ADK: variants seen among roughly 807,000 people sequenced by gnomAD.
ADK encodes the protein adenosine kinase.
A neutral mutation model predicts 44.7 loss-of-function variants in ADK; 24 were observed. The observed-to-expected ratio is 0.54, with a 90% confidence interval of 0.39 to 0.76. The LOEUF is 0.76. ADK is among the 30% of genes least tolerant of loss of function. The pLI is 0.00. For synonymous variants in ADK, 128 were observed against 142.6 expected, an observed-to-expected ratio of 0.90 and a Z score of 0.73; for missense variants, 321 against 425.1, an observed-to-expected ratio of 0.76 and a Z score of 2.15.
chr10:74,151,247 C>CT lies in ADK; in HGVS notation c.-31dup. 1 of 1,549,294 alleles carries CT rather than the reference C, an allele frequency of 6.5e-7. No individual in the cohort carries two copies. The highest frequency in any genetic ancestry group is 8.7e-7 in the Non-Finnish European group (1 of 1,146,604). ...CCAGAGAGTGGATGGCAGAGGTGGGCTGTAGAGCCAAAGTGGGGTGGGAGC... is the reference window on the plus strand; with the variant it reads ...CCAGAGAGTGGATGGCAGAGGTGGGCTTGTAGAGCCAAAGTGGGGTGGGAGC... On this transcript the variant is annotated 5_prime_UTR_variant, in exon 1 of 11. An upstream open reading frame in the 5' UTR gains an earlier in-frame stop. Coordinates refer to ENST00000539909, the MANE Select transcript of ADK (RefSeq NM_006721.4).
chr10:74,607,996 A>T (rs1852393420), intron 9 of ADK, among the ~76,000 whole-genome samples: 1 of 150,946 alleles, frequency 6.6e-6, no homozygotes, highest in Non-Finnish European at 1.5e-5. Context: ...TCAATCTCTG[A>T]TATCCTTTCT....
chr10:74,422,948 G>A (rs1844616162), intron 6 of ADK, among the ~76,000 whole-genome samples: 2 of 152,140 alleles, frequency 1.3e-5, no homozygotes, highest in South Asian at 2.1e-4. Flanking sequence ...CCTGATGACA[G>A]CCAGCTGAAG....
chr10:74,522,113 A>G (rs1285894607), intron 6 of ADK, among the ~76,000 whole-genome samples: 1 of 152,198 alleles, frequency 6.6e-6, no homozygotes, highest in Non-Finnish European at 1.5e-5. Flanking sequence ...GAAAAGCATA[A>G]TTTATTTAAC....
At chr10:74,368,509 TC>T (rs1842563488) in intron 4 of ADK, among the ~76,000 whole-genome samples, 2 of 152,296 alleles carry the variant, frequency 1.3e-5, no homozygotes, top group African/African-American at 4.8e-5. Context: ...ATTTACCTCT[TC>T]ATGGTATCAC....
intron 4 of ADK, among the ~76,000 whole-genome samples, chr10:74,354,241 T>C (rs1842062153): frequency 6.6e-6 from 1 of 152,180 alleles, no homozygotes; most frequent in African/African-American, 2.4e-5. Context: ...TTTTATCTTA[T>C]TTTCAGTATA....
chr10:74,268,685 A>G (rs1244886538), intron 3 of ADK, among the ~76,000 whole-genome samples: 1 of 152,204 alleles, frequency 6.6e-6, no homozygotes, highest in Non-Finnish European at 1.5e-5. Context: ...TGTAAGTATC[A>G]CAGATGTTGT....
chr10:74,494,396 A>C (rs1478298106), intron 6 of ADK, among the ~76,000 whole-genome samples: 1 of 152,156 alleles, frequency 6.6e-6, no homozygotes, highest in African/African-American at 2.4e-5. Context: ...AGCATAAATA[A>C]TATTATACAG....
chr10:74,176,858 C>A, intron 1 of ADK: 2 of 1,608,504 alleles, frequency 1.2e-6, no homozygotes, highest in Non-Finnish European at 1.7e-6. Flanking sequence ...TGGCGCTGGG[C>A]AGGAGGGCGA....
intron 6 of ADK, among the ~76,000 whole-genome samples, chr10:74,475,604 G>A (rs547346128): frequency 6.6e-6 from 1 of 152,174 alleles, no homozygotes; most frequent in African/African-American, 2.4e-5. Flanking sequence ...CTACTTGGGA[G>A]GTTTAGGCAG....
chr10:74,443,685 A>T (rs1203612899), intron 6 of ADK, among the ~76,000 whole-genome samples: 1 of 152,166 alleles, frequency 6.6e-6, no homozygotes, highest in Non-Finnish European at 1.5e-5. Flanking sequence ...AATGCAATTT[A>T]TATGTGAATT....
chr10:74,449,572 G>A (rs1845701041), intron 6 of ADK, among the ~76,000 whole-genome samples: 1 of 152,110 alleles, frequency 6.6e-6, no homozygotes, highest in Non-Finnish European at 1.5e-5. Context: ...TTGAGAATCT[G>A]TTTAGTGCCT....
intron 2 of ADK, among the ~76,000 whole-genome samples, chr10:74,202,188 A>G (rs1419157999): frequency 6.6e-6 from 1 of 152,210 alleles, no homozygotes; most frequent in Non-Finnish European, 1.5e-5. Context: ...GGAATCATAT[A>G]ATAATATATG....
intron 6 of ADK, among the ~76,000 whole-genome samples, chr10:74,503,157 A>T (rs1564759153): frequency 1.3e-5 from 2 of 152,198 alleles, no homozygotes. Flanking sequence ...AACAGATACC[A>T]TGTGGCCTGC....
intron 3 of ADK, among the ~76,000 whole-genome samples, chr10:74,289,466 AGCC>A (rs1847320087): frequency 6.6e-6 from 1 of 152,218 alleles, no homozygotes; most frequent in African/African-American, 2.4e-5. Context: ...AAGCAAAGAT[AGCC>A]TGGGACCATG....
At chr10:74,687,138 G>A (rs1204784351) in intron 10 of ADK, among the ~76,000 whole-genome samples, 1 of 151,872 alleles carries the variant, frequency 6.6e-6, no homozygotes, top group East Asian at 2.0e-4. Context: ...TTATAAGAGG[G>A]GTCTCAAAGA....
At chr10:74,514,282 CAG>C (rs1440324944) in intron 6 of ADK, among the ~76,000 whole-genome samples, 1 of 152,136 alleles carries the variant, frequency 6.6e-6, no homozygotes. Context: ...ATGTGCCTTG[CAG>C]AGGTCCTGTT....
At chr10:74,276,940 C>A (rs186365486) in intron 3 of ADK, among the ~76,000 whole-genome samples, 1 of 149,788 alleles carries the variant, frequency 6.7e-6, no homozygotes, top group African/African-American at 2.5e-5. Flanking sequence ...TTTTTTGAGA[C>A]GGAGTCTCAG....
At chr10:74,527,942 G>A (rs754833589) in intron 7 of ADK, 6 of 775,940 alleles carry the variant, frequency 7.7e-6, no homozygotes, top group East Asian at 2.4e-5. Flanking sequence ...CTTCATTGTG[G>A]CCTTTGGATG....
chr10:74,460,729 G>T (rs368932484), intron 6 of ADK, among the ~76,000 whole-genome samples: 4 of 152,228 alleles, frequency 2.6e-5, no homozygotes, highest in African/African-American at 9.6e-5. Context: ...AGACTTGAAA[G>T]GTTGTTTTTG....
Sources: gnomAD v4.1 joint callset for allele counts (sites outside exome capture counted in the v4.1 genomes callset) on GRCh38, gnomAD v4.1.1 for gene constraint, MANE v1.5 for transcripts, NCBI Gene and HGNC (gene_info 2026-07-23, HGNC 2026-07-21) for gene names.